The following MBNL2 variants were observed in gnomAD, a reference collection of about 807,000 sequenced individuals.
The protein encoded by MBNL2 is muscleblind-like protein 2.
In MBNL2, 17 loss-of-function variants were observed where a neutral mutation model predicts 41.9. The observed-to-expected ratio is 0.41, with a 90% CI of 0.28 to 0.61. The LOEUF (loss-of-function observed/expected upper bound fraction) is 0.61. Among genes scored for constraint, MBNL2 ranks in the 20% least tolerant of loss-of-function variants. MBNL2 has a pLI of 0.35. For missense variants in MBNL2, 336 were observed against 505.6 expected, an observed-to-expected ratio of 0.66 and a Z score of 3.22; for synonymous variants, 195 against 182.9, an observed-to-expected ratio of 1.07 and a Z score of -0.53.
chr13:97,346,750 G>A lies in MBNL2; in HGVS notation c.541-54G>A, dbSNP rs2061910845. The A allele has an allele frequency of 7.1e-6, 11 of 1,548,182 alleles. No homozygotes were observed. The highest frequency in any genetic ancestry group is 8.8e-6 in the Non-Finnish European group (10 of 1,134,204). ...CCTCCCGCGGTGGCCGGGGCCGCAG[G>A]GGCGCCTGGGCTCAGGCTTGCCTCT... On this transcript the variant is annotated intron_variant, in intron 4 of 8. Transcript: ENST00000679496. This position sits in a 1 kb window ranked among gnomAD's most constrained non-coding sequence, Gnocchi z 4.2.
At chr13:97,365,312 T>C in intron 8 of MBNL2, 141 bp downstream of exon 8, 2 of 662,140 alleles carry the variant, frequency 3.0e-6, no homozygotes, top group Non-Finnish European at 5.5e-6. Context: ...AACATATAGG[T>C]TTTTAAAAAT....
intron 2 of MBNL2, among the ~76,000 whole-genome samples, chr13:97,303,069 C>T (rs2057787213): frequency 6.6e-6 from 1 of 152,190 alleles, no homozygotes; most frequent in South Asian, 2.1e-4. Flanking sequence ...TTGTACCTCT[C>T]TGCACTCTTC....
At chr13:97,352,991 C>T (rs1182250218) in intron 5 of MBNL2, among the ~76,000 whole-genome samples, 1 of 152,220 alleles carries the variant, frequency 6.6e-6, no homozygotes, top group Non-Finnish European at 1.5e-5. Flanking sequence ...TTTACACAAA[C>T]AGGTCATTTC....
At chr13:97,232,159 G>A (rs1266633732) in intron 1 of MBNL2, among the ~76,000 whole-genome samples, 1 of 152,200 alleles carries the variant, frequency 6.6e-6, no homozygotes, top group Non-Finnish European at 1.5e-5. Flanking sequence ...AGGCCTGATT[G>A]TTGAGTCTCA....
the MBNL2 span, among the ~76,000 whole-genome samples, chr13:97,145,109 C>A: frequency 6.6e-6 from 1 of 152,202 alleles, no homozygotes; most frequent in Non-Finnish European, 1.5e-5. Flanking sequence ...TCCCTACATG[C>A]TCTCTCTCCA....
intron 1 of MBNL2, among the ~76,000 whole-genome samples, chr13:97,247,795 T>C (rs1381574683): frequency 6.6e-6 from 1 of 152,222 alleles, no homozygotes; most frequent in Non-Finnish European, 1.5e-5. Context: ...AGTTAATATT[T>C]GAATCTGCAG....
chr13:97,151,866 A>G, the MBNL2 span, among the ~76,000 whole-genome samples: 5 of 152,154 alleles, frequency 3.3e-5, no homozygotes, highest in Non-Finnish European at 5.9e-5. Flanking sequence ...TACTTATAGT[A>G]ATGAGTTACC....
In MBNL2 at chr13:97,257,535, T is replaced by A. The variant is rs559587748; in HGVS notation, c.-604-18097T>A. ...GAGAGCAAAACTACTTCCATGTAAA[T>A]AAGAATTGCATAACTGAGAAAATAC... On this transcript the variant is annotated intron_variant, in intron 1 of 8. Coordinates refer to ENST00000679496, the MANE Select transcript of MBNL2 (RefSeq NM_001382683.1). Among the ~76,000 whole-genome samples the A allele has an allele frequency of 3.3e-5, 5 of 152,322 alleles. No individual in the cohort carries two copies. The South Asian group carries it at 1.0e-3, about 32-fold the overall frequency.
intron 1 of MBNL2, among the ~76,000 whole-genome samples, chr13:97,241,389 G>GA (rs1365607747): frequency 2.2e-4 from 34 of 152,222 alleles, no homozygotes; most frequent in African/African-American, 4.8e-5. Context: ...ACAGAAACGT[G>GA]AAAAAAATTC....
the MBNL2 span, chr13:97,172,989 C>T: frequency 6.6e-6 from 1 of 152,074 alleles, no homozygotes; most frequent in African/African-American, 2.4e-5. Context: ...TTCTGGGTAT[C>T]ATCAAAACTC....
At chr13:97,189,606 GCA>G in the MBNL2 span, among the ~76,000 whole-genome samples, 2 of 152,104 alleles carry the variant, frequency 1.3e-5, no homozygotes, top group Non-Finnish European at 2.9e-5. Context: ...ATATATGCAT[GCA>G]CACATGAGCA....
the MBNL2 span, among the ~76,000 whole-genome samples, chr13:97,206,649 C>A: frequency 6.6e-6 from 1 of 152,110 alleles, no homozygotes; most frequent in African/African-American, 2.4e-5. Flanking sequence ...GGCAATGGCA[C>A]ATGCTAATAG....
chr13:97,258,379 T>A, intron 1 of MBNL2, among the ~76,000 whole-genome samples: 1 of 152,214 alleles, frequency 6.6e-6, no homozygotes. Flanking sequence ...TGCTCATCGA[T>A]GGCGATTTTT....
chr13:97,317,093 C>A (rs2059122912), intron 2 of MBNL2, among the ~76,000 whole-genome samples: 1 of 152,094 alleles, frequency 6.6e-6, no homozygotes, highest in Non-Finnish European at 1.5e-5. Flanking sequence ...CGGAAGGTGG[C>A]AGGGGATGCA....
chr13:97,272,249 T>G (rs2051200152), intron 1 of MBNL2, among the ~76,000 whole-genome samples: 1 of 152,222 alleles, frequency 6.6e-6, no homozygotes, highest in Admixed American at 6.5e-5. Context: ...TTCATATCCA[T>G]TGCCCTTTTC....
chr13:97,217,135 CAT>C (rs1008071985), upstream of MBNL2, among the ~76,000 whole-genome samples: 7 of 148,672 alleles, frequency 4.7e-5, no homozygotes, highest in East Asian at 3.9e-4. Flanking sequence ...ATATAGTACA[CAT>C]ATTATATATA....
rs893764671 is a variant in MBNL2, at chr13:97,368,579, T to C, written c.1048+3408T>C. On this transcript the variant is annotated intron_variant, in intron 8 of 8. Coordinates refer to ENST00000679496, the MANE Select transcript of MBNL2 (RefSeq NM_001382683.1). The stretch of plus-strand genomic sequence containing the variant: ...AAATAGTTTGGAGTTGTAGGATAAA[T>C]TATTTTAGCATAATAAATATTTGAC... Among the ~76,000 whole-genome samples the C allele has an allele frequency of 5.3e-5, 8 of 152,102 alleles. No individual in the cohort carries two copies. The East Asian group carries it at 1.5e-3, about 29-fold the overall frequency.
intron 1 of MBNL2, among the ~76,000 whole-genome samples, chr13:97,270,550 A>C (rs1333475384): frequency 6.6e-6 from 1 of 152,192 alleles, no homozygotes; most frequent in African/African-American, 2.4e-5. Flanking sequence ...TGACTGAATC[A>C]AGGGTGAGTT....
chr13:97,249,782 A>C (rs952608604), intron 1 of MBNL2, among the ~76,000 whole-genome samples: 8 of 152,236 alleles, frequency 5.3e-5, no homozygotes, highest in African/African-American at 1.9e-4. Context: ...AATAAAATGC[A>C]ATTGGGTGTA....
Sources: allele counts gnomAD v4.1 joint callset (sites outside exome capture counted in the v4.1 genomes callset), GRCh38; gene constraint gnomAD v4.1.1; non-coding constraint Gnocchi (gnomAD v3.1); transcripts MANE v1.5; gene names NCBI Gene and HGNC (gene_info 2026-07-23, HGNC 2026-07-21).